SLIT2: variants seen among roughly 807,000 people sequenced by gnomAD.
SLIT2 encodes the protein slit homolog 2 protein.
In SLIT2, 41 loss-of-function variants were observed where a neutral mutation model predicts 185.7. That is an observed-to-expected ratio of 0.22 (90% CI 0.17 to 0.29). The LOEUF is 0.29. SLIT2 is among the 10% of genes least tolerant of loss of function. SLIT2 has a pLI of 1.00. For synonymous variants in SLIT2, 693 were observed against 680.2 expected (o/e 1.02, Z -0.29); for missense variants, 1,571 against 1,909.0 (o/e 0.82, Z 3.30).
chr4:20,452,311 T>A (rs1275226073), intron 4 of SLIT2, among the ~76,000 whole-genome samples: 1 of 152,222 alleles, frequency 6.6e-6, no homozygotes, highest in African/African-American at 2.4e-5. Context: ...TTCATCTTTC[T>A]AAGCTTCCAT....
chr4:20,479,356 G>T (rs1716459835), intron 5 of SLIT2, among the ~76,000 whole-genome samples: 3 of 152,134 alleles, frequency 2.0e-5, no homozygotes, highest in African/African-American at 4.8e-5. Context: ...TTATAGAAAT[G>T]TTCAAACGGT....
At chr4:20,348,804 C>G (rs1019923473) in intron 4 of SLIT2, among the ~76,000 whole-genome samples, 1 of 152,214 alleles carries the variant, frequency 6.6e-6, no homozygotes, top group African/African-American at 2.4e-5. Context: ...TTCTGCAGCT[C>G]TGGGAGTTCA....
intron 5 of SLIT2, among the ~76,000 whole-genome samples, chr4:20,472,611 T>TATATATCGATATATATAG (rs1715637505): frequency 1.2e-4 from 1 of 8,324 alleles, no homozygotes; most frequent in African/African-American, 7.0e-4. Flanking sequence ...TAGATATATC[T>TATATATCGATATATATAG]ATATATATCG....
chr4:20,477,921 C>A (rs972420057), intron 5 of SLIT2, among the ~76,000 whole-genome samples: 2 of 152,192 alleles, frequency 1.3e-5, no homozygotes, highest in Non-Finnish European at 2.9e-5. Context: ...GAGAACAGAT[C>A]CTTTCCTGTT....
At chr4:20,585,542 C>A (rs1360329041) in intron 29 of SLIT2, among the ~76,000 whole-genome samples, 1 of 152,186 alleles carries the variant, frequency 6.6e-6, no homozygotes, top group East Asian at 1.9e-4. Context: ...GCTCCTATCT[C>A]TTGAGAGGCT....
At chr4:20,418,492 G>C (rs1054687351) in intron 4 of SLIT2, among the ~76,000 whole-genome samples, 4 of 152,084 alleles carry the variant, frequency 2.6e-5, no homozygotes, top group Admixed American at 2.6e-4. Context: ...TATACTGAGG[G>C]CGGCCAATAG....
chr4:20,253,906 C>A lies in SLIT2; in HGVS notation c.91C>A (p.Gln31Lys), dbSNP rs762755360. The A allele has an allele frequency of 6.9e-6, 11 of 1,601,862 alleles. No homozygotes were observed. The highest frequency in any genetic ancestry group is 5.3e-5 in the African/African-American group (4 of 74,924). ...NKVAPQACPAQCSCSGSTVDC... is the reference protein window; with the variant it reads ...NKVAPQACPAKCSCSGSTVDC... ...GGTGGCACCGCAGGCGTGCCCGGCG[C>A]AGTGCTCTTGCTCGGGCAGCACAGT... The change falls in exon 1 of 37, where the codon CAG (glutamine) becomes AAG (lysine). Residue 31 changes from glutamine (Q) to lysine (K), a missense_variant. Transcript: ENST00000504154.
chr4:20,400,305 G>A (rs1726244204), intron 4 of SLIT2, among the ~76,000 whole-genome samples: 1 of 151,668 alleles, frequency 6.6e-6, no homozygotes, highest in South Asian at 2.1e-4. Context: ...TAGTAATATA[G>A]AAGAGGGATT....
chr4:20,265,757 A>C (rs1376747677), intron 3 of SLIT2, among the ~76,000 whole-genome samples: 1 of 151,910 alleles, frequency 6.6e-6, no homozygotes. Flanking sequence ...ACTTTGTTGT[A>C]TTTACAATTG....
In SLIT2 at chr4:20,524,218, A is replaced by G. The variant is rs573782757; in HGVS notation, c.1438+41A>G. 4 of 1,588,228 alleles carry G rather than the reference A, an allele frequency of 2.5e-6. No homozygotes were observed. The South Asian group carries it at 4.4e-5, about 18-fold the overall frequency. On this transcript the variant is annotated intron_variant, in intron 14 of 36. Transcript: ENST00000504154. ...GTTATTTCCCCTGTGACCAACAACA[A>G]TGGTTACATGAGACCTAACAAAAGC...
chr4:20,565,735 A>G (rs942961096), intron 26 of SLIT2, among the ~76,000 whole-genome samples: 2 of 151,936 alleles, frequency 1.3e-5, no homozygotes, highest in Non-Finnish European at 2.9e-5. Flanking sequence ...TAGAAGAAGT[A>G]AGCACCACCT....
At chr4:20,350,519 T>C (rs116177902) in intron 4 of SLIT2, among the ~76,000 whole-genome samples, 1 of 152,174 alleles carries the variant, frequency 6.6e-6, no homozygotes, top group Admixed American at 6.5e-5. Context: ...GATGGCCCTA[T>C]CATTACTGCT....
intron 4 of SLIT2, among the ~76,000 whole-genome samples, chr4:20,422,549 A>G (rs17609639): frequency 0.22 from 33,437 of 152,118 alleles, 3,913 homozygotes; most frequent in Non-Finnish European, 0.27. Context: ...CAGGAAGCTT[A>G]CATCCTAATG....
intron 4 of SLIT2, among the ~76,000 whole-genome samples, chr4:20,305,120 A>G (rs1348949440): frequency 6.6e-6 from 1 of 152,196 alleles, no homozygotes; most frequent in Non-Finnish European, 1.5e-5. Flanking sequence ...AGCCATGCTC[A>G]TGATGCTATG....
At chr4:20,423,001 C>A (rs571860759) in intron 4 of SLIT2, among the ~76,000 whole-genome samples, 2 of 151,944 alleles carry the variant, frequency 1.3e-5, no homozygotes, top group South Asian at 4.2e-4. Flanking sequence ...GCCTTTATTT[C>A]TTGTTCCTTA....
At chr4:20,595,992 C>T (rs1727950572) in intron 31 of SLIT2, among the ~76,000 whole-genome samples, 158 bp downstream of exon 31, 1 of 152,002 alleles carries the variant, frequency 6.6e-6, no homozygotes, top group Admixed American at 6.6e-5. Flanking sequence ...GATGGATACC[C>T]CATTTAACAT....
At chr4:20,445,424 AAGAC>A (rs1210937504) in intron 4 of SLIT2, among the ~76,000 whole-genome samples, 1 of 152,246 alleles carries the variant, frequency 6.6e-6, no homozygotes, top group Non-Finnish European at 1.5e-5. Context: ...CTCATTAAAG[AAGAC>A]GTTTAAAAGG....
At chr4:20,488,290 G>A (rs1717442860) in intron 7 of SLIT2, among the ~76,000 whole-genome samples, 1 of 152,172 alleles carries the variant, frequency 6.6e-6, no homozygotes, top group African/African-American at 2.4e-5. Flanking sequence ...AAGGAAATGA[G>A]AATAAGGGTG....
Position 20,480,784 on chromosome 4 carries a change from T to G in SLIT2, c.536T>G (p.Val179Gly). Reference protein sequence around the residue: ...GAFRALRDLEVLTLNNNNITR... With the variant: ...GAFRALRDLEGLTLNNNNITR... ...TTCAGGGCTCTCCGGGACCTGGAAG[T>G]GCTGTAAGTACTGCTATTTCTCTTG... Residue 179 changes from valine (V) to glycine (G), a missense_variant, in exon 6 of 37, where the codon GTG (valine) becomes GGG (glycine). This residue lies in a region of SLIT2 where 1,202 missense variants were observed against 1,416.4 expected (regional missense o/e 0.85). Coordinates refer to ENST00000504154, the MANE Select transcript of SLIT2 (RefSeq NM_004787.4). 1 of 1,609,766 alleles carries G rather than the reference T, an allele frequency of 6.2e-7. No homozygotes were observed.
Sources: gnomAD v4.1 joint callset for allele counts (sites outside exome capture counted in the v4.1 genomes callset) on GRCh38, gnomAD v4.1.1 for gene constraint, gnomAD v4.1.1 regional missense constraint, MANE v1.5 for transcripts, NCBI Gene and HGNC (gene_info 2026-07-23, HGNC 2026-07-21) for gene names.